The following COL21A1 variants were observed in gnomAD, a reference collection of about 807,000 sequenced individuals.
COL21A1 encodes the protein collagen alpha-1(XXI) chain.
In COL21A1, 149 loss-of-function variants were observed where a neutral mutation model predicts 137.9. The observed-to-expected ratio is 1.08, with a 90% CI of 0.95 to 1.24. COL21A1 has a LOEUF of 1.24. COL21A1 is among the 50% of genes most tolerant of loss of function. COL21A1 has a pLI of 0.00. For synonymous variants in COL21A1, 456 were observed against 391.5 expected (o/e 1.16, Z -1.95); for missense variants, 1,167 against 1,158.4 (o/e 1.01, Z -0.11).
chr6:56,139,303 C>T (rs1487701921), intron 12 of COL21A1, among the ~76,000 whole-genome samples: 2 of 152,118 alleles, frequency 1.3e-5, no homozygotes, highest in Non-Finnish European at 2.9e-5. Context: ...TTAATCTTCA[C>T]AAAAAGCCTA....
intron 1 of COL21A1, among the ~76,000 whole-genome samples, chr6:56,215,897 A>T (rs895319025): frequency 6.6e-6 from 1 of 152,052 alleles, no homozygotes; most frequent in Non-Finnish European, 1.5e-5. Flanking sequence ...ATTTTCCTGT[A>T]AGGTATTACA....
At chr6:56,357,595 A>T (rs1765863744) in intron 1 of COL21A1, among the ~76,000 whole-genome samples, 1 of 152,206 alleles carries the variant, frequency 6.6e-6, no homozygotes, top group Admixed American at 6.5e-5. Flanking sequence ...AGCTGCCATG[A>T]TTGCTTCAGG....
chr6:56,079,891 C>CA, intron 17 of COL21A1, among the ~76,000 whole-genome samples: 1 of 151,544 alleles, frequency 6.6e-6, no homozygotes, highest in Non-Finnish European at 1.5e-5. Context: ...ATATCAAAAA[C>CA]AAAACATAGG....
intron 1 of COL21A1, among the ~76,000 whole-genome samples, chr6:56,320,382 G>C (rs940912329): frequency 2.6e-5 from 4 of 151,940 alleles, no homozygotes; most frequent in African/African-American, 9.7e-5. Context: ...TTCTCCACCA[G>C]GATATCTTCA....
intron 16 of COL21A1, among the ~76,000 whole-genome samples, chr6:56,117,337 TA>T (rs1308957276): frequency 6.6e-6 from 1 of 151,842 alleles, no homozygotes; most frequent in African/African-American, 2.4e-5. Context: ...AGTCAAAAAC[TA>T]AGAGAAAAGG....
intron 20 of COL21A1, among the ~76,000 whole-genome samples, chr6:56,073,081 A>T (rs991538114): frequency 3.3e-5 from 5 of 151,286 alleles, no homozygotes; most frequent in Admixed American, 6.6e-5. Flanking sequence ...ACACAGTGTG[A>T]GTCAACAGTG....
chr6:56,384,737 A>C (rs1019529709), intron 1 of COL21A1, among the ~76,000 whole-genome samples: 2 of 152,132 alleles, frequency 1.3e-5, no homozygotes, highest in African/African-American at 2.4e-5. Flanking sequence ...GCCTGGAGAG[A>C]AGACTCAACC....
intron 1 of COL21A1, among the ~76,000 whole-genome samples, chr6:56,265,649 T>G (rs967568454): frequency 6.6e-6 from 1 of 152,220 alleles, no homozygotes; most frequent in African/African-American, 2.4e-5. Flanking sequence ...TGGTGACAGA[T>G]CATACCATCT....
At chr6:56,263,881 C>T (rs373982726) in intron 1 of COL21A1, among the ~76,000 whole-genome samples, 1 of 152,060 alleles carries the variant, frequency 6.6e-6, no homozygotes, top group African/African-American at 2.4e-5. Context: ...TAATCCTGCA[C>T]ACAACATAAA....
intron 1 of COL21A1, among the ~76,000 whole-genome samples, chr6:56,280,439 C>T (rs1763763572): frequency 6.6e-6 from 1 of 152,102 alleles, no homozygotes; most frequent in East Asian, 1.9e-4. Flanking sequence ...CTCATGGAGC[C>T]TCCACTCTCA....
At chr6:56,101,579 C>CAACAAG in intron 16 of COL21A1, 54 bp from the exon 17 acceptor site, 1 of 1,257,904 alleles carries the variant, frequency 7.9e-7, no homozygotes, top group Non-Finnish European at 1.1e-6. Context: ...GGTCTGCTTA[C>CAACAAG]CAAAATAACA....
At chr6:56,135,576 C>A (rs947157082) in intron 12 of COL21A1, among the ~76,000 whole-genome samples, 1 of 152,086 alleles carries the variant, frequency 6.6e-6, no homozygotes, top group African/African-American at 2.4e-5. Context: ...ACCCTTTGAT[C>A]CAATAATCAA....
At chr6:56,196,969 T>C (rs1477741251) in intron 1 of COL21A1, among the ~76,000 whole-genome samples, 1 of 152,112 alleles carries the variant, frequency 6.6e-6, no homozygotes, top group Non-Finnish European at 1.5e-5. Flanking sequence ...TCACACTTCC[T>C]GATTCAAGTT....
chr6:56,379,310 G>A (rs2094005065), intron 1 of COL21A1, among the ~76,000 whole-genome samples: 1 of 152,128 alleles, frequency 6.6e-6, no homozygotes, highest in African/African-American at 2.4e-5. Flanking sequence ...GCTGTTTTGA[G>A]GAAGGTCAAA....
At chr6:56,139,019 C>T (rs1774205103) in intron 12 of COL21A1, among the ~76,000 whole-genome samples, 1 of 152,076 alleles carries the variant, frequency 6.6e-6, no homozygotes, top group African/African-American at 2.4e-5. Context: ...ATGGACACTT[C>T]GCCCATAATA....
At chr6:56,121,688 A>G (rs2152207495) in intron 16 of COL21A1, among the ~76,000 whole-genome samples, 1 of 151,770 alleles carries the variant, frequency 6.6e-6, no homozygotes, top group Non-Finnish European at 1.5e-5. Flanking sequence ...TAACAAATGT[A>G]CTACTCTGGT....
At chr6:56,336,064 T>C (rs1284690943) in intron 1 of COL21A1, among the ~76,000 whole-genome samples, 1 of 152,254 alleles carries the variant, frequency 6.6e-6, no homozygotes, top group East Asian at 1.9e-4. Flanking sequence ...TGCTGTGTGC[T>C]AAGTTCTTTG....
At chr6:56,351,945 G>A (rs1765719671) in intron 1 of COL21A1, among the ~76,000 whole-genome samples, 1 of 152,004 alleles carries the variant, frequency 6.6e-6, no homozygotes, top group South Asian at 2.1e-4. Flanking sequence ...AAAAGATAGG[G>A]GGACCAAAAA....
At chr6:56,346,511 C>T (rs1406789175) in intron 1 of COL21A1, among the ~76,000 whole-genome samples, 3 of 152,152 alleles carry the variant, frequency 2.0e-5, no homozygotes, top group African/African-American at 7.2e-5. Context: ...TCTACCTTGT[C>T]AATATTTAAA....
Sources: allele counts gnomAD v4.1 joint callset (sites outside exome capture counted in the v4.1 genomes callset), GRCh38; gene constraint gnomAD v4.1.1; transcripts MANE v1.5; gene names NCBI Gene and HGNC (gene_info 2026-07-23, HGNC 2026-07-21).